Variants in LITAF observed in about 807,000 individuals in gnomAD.
LITAF encodes lipopolysaccharide-induced tumor necrosis factor-alpha factor.
A neutral mutation model predicts 14.5 loss-of-function variants in LITAF; 9 were observed. That is an observed-to-expected ratio of 0.62 (90% CI 0.37 to 1.08). The LOEUF (loss-of-function observed/expected upper bound fraction) is 1.08. Among genes scored for constraint, LITAF ranks in the 50% least tolerant of loss-of-function variants. The pLI, the probability that LITAF is intolerant of heterozygous loss-of-function variation, is 0.01. For missense variants in LITAF, 206 were observed against 213.4 expected (o/e 0.97, Z 0.22); for synonymous variants, 98 against 88.2 (o/e 1.11, Z -0.62).
At chr16:11,557,070 T>TTTG (rs1555467013) in intron 1 of LITAF, among the ~76,000 whole-genome samples, 1 of 24,728 alleles carries the variant, frequency 4.0e-5, no homozygotes, top group Non-Finnish European at 9.0e-5. Flanking sequence ...CGTTGTTTTT[T>TTTG]TTTGTTTGTT....
At chr16:11,631,117 G>A (rs903145196) in intron 3 of LITAF, among the ~76,000 whole-genome samples, 10 of 152,194 alleles carry the variant, frequency 6.6e-5, no homozygotes, top group African/African-American at 2.2e-4. Context: ...CAGGGCTGCA[G>A]AAAATAAATA....
chr16:11,580,891 A>T (rs908118339), intron 1 of LITAF, among the ~76,000 whole-genome samples: 4 of 152,034 alleles, frequency 2.6e-5, no homozygotes, highest in Non-Finnish European at 5.9e-5. Flanking sequence ...CAGCCTCCAG[A>T]GTGGCTGGGA....
At chr16:11,581,404 T>G (rs948284856) in intron 1 of LITAF, among the ~76,000 whole-genome samples, 1 of 152,194 alleles carries the variant, frequency 6.6e-6, no homozygotes, top group Non-Finnish European at 1.5e-5. Flanking sequence ...GGCAATACTT[T>G]GAGAGGCCAA....
At chr16:11,562,058 ACAGGTGTGTGTCAC>A (rs1288440621) in intron 1 of LITAF, among the ~76,000 whole-genome samples, 1 of 151,934 alleles carries the variant, frequency 6.6e-6, no homozygotes, top group East Asian at 1.9e-4. Context: ...AGGTGGGACT[ACAGGTGTGTGTCAC>A]CATACCTGGC....
In LITAF at chr16:11,618,657, G is replaced by A. The variant is rs140796648; in HGVS notation, c.85+14876C>T. Among the ~76,000 whole-genome samples, 360 of 152,256 alleles carry A rather than the reference G, an allele frequency of 2.4e-3. 1 individual carries two copies. The highest frequency in any genetic ancestry group is 0.014 in the Middle Eastern group (4 of 294). On this transcript the variant is annotated intron_variant, in intron 3 of 3. Coordinates refer to the LITAF transcript ENST00000574848. Reference sequence around the variant, plus strand: ...CAGTGGGTGGAGCATTTCTGGGGGTGGGGAGGGGGCGCTTCATAGAGCTGC... The same window carrying A: ...CAGTGGGTGGAGCATTTCTGGGGGTAGGGAGGGGGCGCTTCATAGAGCTGC...
intron 1 of LITAF, among the ~76,000 whole-genome samples, chr16:11,579,635 T>C (rs933675710): frequency 1.3e-5 from 2 of 152,050 alleles, no homozygotes; most frequent in Non-Finnish European, 2.9e-5. Flanking sequence ...TGGTGAACAA[T>C]AACATACCCT....
chr16:11,570,333 G>A (rs1485478135), intron 1 of LITAF, among the ~76,000 whole-genome samples: 1 of 152,154 alleles, frequency 6.6e-6, no homozygotes, highest in Non-Finnish European at 1.5e-5. Context: ...AAAACCCAGG[G>A]AGGGGGTGAC....
At chr16:11,628,566 C>T (rs1157764804) in intron 3 of LITAF, among the ~76,000 whole-genome samples, 10 of 152,098 alleles carry the variant, frequency 6.6e-5, no homozygotes, top group South Asian at 2.1e-4. Flanking sequence ...TGCAGTGGCA[C>T]GATCATAGCT....
intron 1 of LITAF, among the ~76,000 whole-genome samples, chr16:11,568,680 T>TTG (rs1227951517): frequency 8.7e-5 from 11 of 126,474 alleles, no homozygotes; most frequent in African/African-American, 2.9e-4. Context: ...CTTGTTTTTT[T>TTG]TTGTTTTTTT....
upstream of LITAF, among the ~76,000 whole-genome samples, chr16:11,602,027 T>C (rs2064930890): frequency 6.6e-6 from 1 of 152,152 alleles, no homozygotes. Flanking sequence ...CAGAAGGAGT[T>C]GAACAAATAC....
chr16:11,627,819 G>A (rs1400534656), intron 3 of LITAF, among the ~76,000 whole-genome samples: 2 of 152,062 alleles, frequency 1.3e-5, no homozygotes, highest in Non-Finnish European at 2.9e-5. Context: ...GCTCCAGCCT[G>A]GGTAACAGAG....
chr16:11,593,393 A>G (rs2064861140), intron 1 of LITAF, among the ~76,000 whole-genome samples: 1 of 151,828 alleles, frequency 6.6e-6, no homozygotes, highest in Admixed American at 6.6e-5. Context: ...AATGGAAAAT[A>G]AATATTGGTA....
intron 1 of LITAF, among the ~76,000 whole-genome samples, chr16:11,575,851 T>C (rs546623530): frequency 6.6e-6 from 1 of 152,290 alleles, no homozygotes; most frequent in Non-Finnish European, 1.5e-5. Context: ...AAAAAGTATC[T>C]TAACCTTTTT....
In LITAF at chr16:11,548,030, A is replaced by G. The variant is rs2141673613; in HGVS notation, c.*1607T>C. Reference sequence around the variant, plus strand: ...GTGAACCAAAGACTTTATTTTTCAAAAGCAGGTAACACCAAAGTACTATGT... The same window carrying G: ...GTGAACCAAAGACTTTATTTTTCAAGAGCAGGTAACACCAAAGTACTATGT... On this transcript the variant is annotated 3_prime_UTR_variant, in exon 4 of 4. Coordinates refer to ENST00000622633, the MANE Select transcript of LITAF (RefSeq NM_001136472.2). 1 of 454,134 alleles carries G rather than the reference A, an allele frequency of 2.2e-6. No homozygotes were observed. The highest frequency in any genetic ancestry group is 4.4e-6 in the Non-Finnish European group (1 of 226,794). The allele number at this position is 454,134 out of a possible 1,614,324, so 28.1% of individuals were successfully genotyped here.
upstream of LITAF, among the ~76,000 whole-genome samples, chr16:11,600,191 A>T (rs1159112808): frequency 2.0e-5 from 3 of 152,026 alleles, no homozygotes; most frequent in African/African-American, 7.2e-5. This position sits in a 1 kb window ranked among gnomAD's most constrained non-coding sequence, Gnocchi z 4.1. Flanking sequence ...TTTTGTAGAG[A>T]TGGGATCTCT....
In LITAF at chr16:11,634,560, C is replaced by T. The variant is rs547240714; in HGVS notation, c.-20-923G>A. 6.6e-6 allele frequency among the ~76,000 whole-genome samples: 1 copy of T among 152,282 alleles called. No individual in the cohort carries two copies. On this transcript the variant is annotated intron_variant, in intron 2 of 3. Transcript: ENST00000574848. This position sits in a 1 kb window ranked among gnomAD's most constrained non-coding sequence, Gnocchi z 4.1. ...AGAATCTAAGATCGGCCTTTTGAAA[C>T]GTCTTCTCAGGTTTTTGCATTTCTG...
At chr16:11,615,476 G>A (rs913147689) in intron 3 of LITAF, among the ~76,000 whole-genome samples, 1 of 152,120 alleles carries the variant, frequency 6.6e-6, no homozygotes, top group African/African-American at 2.4e-5. Context: ...GGTGGAGGTT[G>A]CGGTGAGCCG....
At chr16:11,578,114 G>A (rs1454123419) in intron 1 of LITAF, among the ~76,000 whole-genome samples, 1 of 151,928 alleles carries the variant, frequency 6.6e-6, no homozygotes, top group Non-Finnish European at 1.5e-5. Flanking sequence ...GCTCAGGCCG[G>A]TCTTAAACTC....
rs2141724661 is a variant in LITAF at position 11,558,188 on chromosome 16, G to A, written c.-5-1453C>T. Reference sequence around the variant, plus strand: ...CAATTAATCCCACTGCAGGGAGAAGGGTAGAGTCCTTCTCAGAAGCCCTGC... The same window carrying A: ...CAATTAATCCCACTGCAGGGAGAAGAGTAGAGTCCTTCTCAGAAGCCCTGC... On this transcript the variant is annotated intron_variant, in intron 1 of 3. Transcript: ENST00000622633. This position sits in a 1 kb window ranked among gnomAD's most constrained non-coding sequence, Gnocchi z 4.1. 6.6e-6 allele frequency among the ~76,000 whole-genome samples: 1 copy of A among 152,284 alleles called. No homozygotes were observed. The highest frequency in any genetic ancestry group is 2.1e-4 in the South Asian group (1 of 4,824).
Sources: allele counts gnomAD v4.1 joint callset (sites outside exome capture counted in the v4.1 genomes callset), GRCh38; gene constraint gnomAD v4.1.1; non-coding constraint Gnocchi (gnomAD v3.1); transcripts MANE v1.5; gene names NCBI Gene and HGNC (gene_info 2026-07-23, HGNC 2026-07-21).